GLRA2: variants seen among roughly 807,000 people sequenced by gnomAD.
The protein encoded by GLRA2 is glycine receptor subunit alpha-2.
A neutral mutation model predicts 31.6 loss-of-function variants in GLRA2; 11 were observed. The observed-to-expected ratio is 0.35, with a 90% confidence interval of 0.22 to 0.58. GLRA2 has a LOEUF of 0.58. Ranked by LOEUF, GLRA2 falls within the 20% of genes least tolerant of loss-of-function variation. The pLI is 0.84. For synonymous variants in GLRA2, 132 were observed against 134.0 expected, an observed-to-expected ratio of 0.99 and a Z score of 0.10; for missense variants, 212 against 351.8, an observed-to-expected ratio of 0.60 and a Z score of 3.18.
chrX:14,458,745 T>G, the GLRA2 span, among the ~76,000 whole-genome samples: 2 of 111,863 alleles, frequency 1.8e-5, no homozygotes, highest in African/African-American at 3.3e-5. Flanking sequence ...TAAATTTGTT[T>G]GAGTTCATTG....
At chrX:14,641,178 T>C (rs1180274416) in intron 7 of GLRA2, among the ~76,000 whole-genome samples, 3 of 111,651 alleles carry the variant, frequency 2.7e-5, no homozygotes, top group Admixed American at 9.5e-5. Flanking sequence ...TTGTCTTCTT[T>C]TGTGAAGTGC....
chrX:14,647,990 T>A (rs955970185), intron 7 of GLRA2, among the ~76,000 whole-genome samples: 3 of 112,759 alleles, frequency 2.7e-5, no homozygotes, highest in Non-Finnish European at 1.9e-5. Flanking sequence ...CTGATCTTAA[T>A]TCATTAGGCT....
At chrX:14,574,232 T>C (rs1462286301) in intron 2 of GLRA2, 101 bp from the exon 3 acceptor site, 1 of 550,462 alleles carries the variant, frequency 1.8e-6, no homozygotes, top group African/African-American at 2.3e-5. Flanking sequence ...AATCTCACCA[T>C]CATTTTAATT....
the GLRA2 span, among the ~76,000 whole-genome samples, chrX:14,469,203 C>T: frequency 5.4e-5 from 6 of 111,469 alleles, no homozygotes; most frequent in Admixed American, 1.9e-4. Context: ...GCTTTTGTTG[C>T]CATTGCTTTT....
intron 2 of GLRA2, among the ~76,000 whole-genome samples, chrX:14,535,159 A>G (rs754705756): frequency 1.9e-4 from 21 of 112,067 alleles, no homozygotes; most frequent in Non-Finnish European, 3.4e-4. Flanking sequence ...AATAAAATCA[A>G]GAGCCAAATA....
chrX:14,553,947 A>G (rs1160240040), intron 2 of GLRA2, among the ~76,000 whole-genome samples: 1 of 112,080 alleles, frequency 8.9e-6, no homozygotes, highest in African/African-American at 3.2e-5. Flanking sequence ...CTCATCCAGC[A>G]TATTACTTAC....
chrX:14,559,730 T>C (rs1182513430), intron 2 of GLRA2, among the ~76,000 whole-genome samples: 1 of 109,888 alleles, frequency 9.1e-6, no homozygotes, highest in Non-Finnish European at 1.9e-5. Context: ...TTTTTGTTTG[T>C]TTGTTTTTGT....
the GLRA2 span, among the ~76,000 whole-genome samples, chrX:14,451,777 C>T: frequency 9.3e-6 from 1 of 108,050 alleles, no homozygotes; most frequent in African/African-American, 3.4e-5. Context: ...GGAGAAAGAC[C>T]TATCATGCAA....
intron 7 of GLRA2, among the ~76,000 whole-genome samples, chrX:14,679,523 C>A (rs1172790488): frequency 9.0e-6 from 1 of 111,216 alleles, no homozygotes; most frequent in African/African-American, 3.3e-5. Context: ...AACCCCAAAC[C>A]TATCAGCTTG....
At chrX:14,651,705 TAAC>T (rs1299934811) in intron 7 of GLRA2, among the ~76,000 whole-genome samples, 1 of 111,832 alleles carries the variant, frequency 8.9e-6, no homozygotes, top group Non-Finnish European at 1.9e-5. Flanking sequence ...CAAAATTGTC[TAAC>T]AACACATTTT....
chrX:14,530,268 CTAA>C (rs1252676181), intron 1 of GLRA2, 143 bp downstream of exon 1: 1 of 464,957 alleles, frequency 2.2e-6, no homozygotes, highest in African/African-American at 2.5e-5. Flanking sequence ...TTTAAAACGC[CTAA>C]TAATTGTGGG....
chrX:14,705,017 A>C (rs2091600402), intron 8 of GLRA2, among the ~76,000 whole-genome samples: 1 of 112,436 alleles, frequency 8.9e-6, no homozygotes, highest in African/African-American at 3.2e-5. Context: ...CTCAAGAAAG[A>C]AGCAGCATTT....
At chrX:14,594,956 A>C (rs1051537260) in intron 4 of GLRA2, among the ~76,000 whole-genome samples, 29 of 108,722 alleles carry the variant, frequency 2.7e-4, no homozygotes, top group African/African-American at 9.5e-4. Flanking sequence ...AAAAAAAAAA[A>C]AAAACAGCAA....
intron 7 of GLRA2, among the ~76,000 whole-genome samples, chrX:14,674,137 T>C (rs2091120930): frequency 8.9e-6 from 1 of 112,109 alleles, no homozygotes; most frequent in Non-Finnish European, 1.9e-5. Flanking sequence ...AGCTTCCTTA[T>C]CCTTATAATG....
At chrX:14,701,086 A>G (rs1006008439) in intron 8 of GLRA2, among the ~76,000 whole-genome samples, 4 of 110,701 alleles carry the variant, frequency 3.6e-5, no homozygotes, top group Non-Finnish European at 7.6e-5. Flanking sequence ...TTTCTGTGAC[A>G]CAGGAAACAC....
rs1415414351 is a variant in GLRA2, at chrX:14,661,531, A to T, written c.931-29179A>T. Among the ~76,000 whole-genome samples the T allele has an allele frequency of 2.7e-5, 3 of 112,042 alleles. No homozygotes were observed. The Admixed American group carries it at 2.8e-4, about 11-fold the overall frequency. ...TAGCTGACAGACTAAGACAAGAGAAAAATAATAACTTCTAGGAAGTAGATA... is the reference window on the plus strand; with the variant it reads ...TAGCTGACAGACTAAGACAAGAGAATAATAATAACTTCTAGGAAGTAGATA... On this transcript the variant is annotated intron_variant, in intron 7 of 8. Coordinates refer to ENST00000218075, the MANE Select transcript of GLRA2 (RefSeq NM_002063.4).
chrX:14,454,600 A>T, the GLRA2 span, among the ~76,000 whole-genome samples: 1 of 107,887 alleles, frequency 9.3e-6, no homozygotes, highest in Admixed American at 1.0e-4. Context: ...GTCCAACCTT[A>T]TTGATAATTT....
At chrX:14,654,446 A>G (rs1158703320) in intron 7 of GLRA2, among the ~76,000 whole-genome samples, 1 of 111,969 alleles carries the variant, frequency 8.9e-6, no homozygotes, top group Non-Finnish European at 1.9e-5. Context: ...TTGCACACTT[A>G]TTAGACTATA....
chrX:14,484,317 A>G, the GLRA2 span, among the ~76,000 whole-genome samples: 4 of 112,019 alleles, frequency 3.6e-5, no homozygotes, highest in Non-Finnish European at 7.5e-5. Flanking sequence ...ATTACTTTAA[A>G]GCATCTCCTA....
Sources: allele counts gnomAD v4.1 joint callset (sites outside exome capture counted in the v4.1 genomes callset), GRCh38; gene constraint gnomAD v4.1.1; transcripts MANE v1.5; gene names NCBI Gene and HGNC (gene_info 2026-07-23, HGNC 2026-07-21).